TRMT44: variants seen among roughly 807,000 people sequenced by gnomAD.
TRMT44 encodes the protein probable tRNA (uracil-O(2)-)-methyltransferase.
A neutral mutation model predicts 77.3 loss-of-function variants in TRMT44; 78 were observed. That is an observed-to-expected ratio of 1.01 (90% CI 0.84 to 1.22). The LOEUF (loss-of-function observed/expected upper bound fraction) is 1.22. TRMT44 is among the 50% of genes most tolerant of loss of function. The pLI, the probability that TRMT44 is intolerant of heterozygous loss-of-function variation, is 0.00. For synonymous variants in TRMT44, 391 were observed against 383.3 expected, an observed-to-expected ratio of 1.02 and a Z score of -0.23; for missense variants, 1,090 against 964.4, an observed-to-expected ratio of 1.13 and a Z score of -1.73.
At chr4:8,495,229 T>C (rs1023938437), downstream of TRMT44, among the ~76,000 whole-genome samples, 2 of 152,216 alleles carry the variant, frequency 1.3e-5, no homozygotes, top group Non-Finnish European at 2.9e-5. Flanking sequence ...GCAGTTTGCA[T>C]CCATTGTCAT....
intron 10 of TRMT44, among the ~76,000 whole-genome samples, chr4:8,473,056 C>G (rs995533703): frequency 6.6e-6 from 1 of 152,250 alleles, no homozygotes. Flanking sequence ...AATAAACATT[C>G]TCCTCCAGTC....
chr4:8,447,262 A>G (rs188141075), intron 2 of TRMT44, among the ~76,000 whole-genome samples: 181 of 152,368 alleles, frequency 1.2e-3, no homozygotes, highest in Middle Eastern at 6.8e-3. Flanking sequence ...ATTATAAAGT[A>G]GCGGTTTAAT....
At chr4:8,442,640 G>A (rs1014623683) in intron 1 of TRMT44, among the ~76,000 whole-genome samples, 2 of 152,240 alleles carry the variant, frequency 1.3e-5, no homozygotes, top group Non-Finnish European at 2.9e-5. Flanking sequence ...TTCTGGGAAG[G>A]AATCTGTTCT....
At chr4:8,449,949 C>CTTTTTTT (rs745915221) in intron 3 of TRMT44, 61 bp downstream of exon 3, 183 of 238,930 alleles carry the variant, frequency 7.7e-4, no homozygotes, top group South Asian at 1.7e-3. Context: ...CTTTTCTTTT[C>CTTTTTTT]TTTTTTTTTT....
intron 10 of TRMT44, 141 bp from the exon 11 acceptor site, chr4:8,475,631 G>A (rs1006452200): frequency 6.8e-6 from 5 of 731,798 alleles, no homozygotes; most frequent in Middle Eastern, 3.0e-4. Flanking sequence ...ACTGTGACCA[G>A]CAGGAACTCT....
In TRMT44 at chr4:8,461,482, T is replaced by A. The variant is rs539103034; in HGVS notation, c.1204-2503T>A. Among the ~76,000 whole-genome samples, 1 of 152,286 alleles carries A rather than the reference T, an allele frequency of 6.6e-6. No individual in the cohort carries two copies. The highest frequency in any genetic ancestry group is 2.1e-4 in the South Asian group (1 of 4,828). ...TTCAAGCAGCAGTGAGTAGGCCATC[T>A]GTGTAAGCCCAGACCCTAGGGAAGA... is the stretch of plus-strand genomic sequence containing the variant. On this transcript the variant is annotated intron_variant, in intron 6 of 10. Transcript: ENST00000389737. The surrounding 1 kb of genome is among the most constrained non-coding windows in gnomAD (Gnocchi z 4.6).
the TRMT44 span, among the ~76,000 whole-genome samples, chr4:8,503,351 C>T: frequency 6.5e-4 from 99 of 152,324 alleles, 3 homozygotes; most frequent in East Asian, 0.015. Flanking sequence ...GCAGTCGGAC[C>T]GGCTCAAGCA....
chr4:8,478,513 C>T (rs888799000), downstream of TRMT44: 2 of 152,536 alleles, frequency 1.3e-5, no homozygotes, highest in African/African-American at 2.4e-5. Context: ...TGCCCCTGTC[C>T]ACAGGTCATG....
At chr4:8,486,752 G>A (rs1216219978) in intron 2 of TRMT44, among the ~76,000 whole-genome samples, 1 of 152,168 alleles carries the variant, frequency 6.6e-6, no homozygotes, top group Admixed American at 6.5e-5. Flanking sequence ...CTTTTTAAGA[G>A]TAAATTGCTG....
At chr4:8,493,828 C>T (rs1728082052), downstream of TRMT44, among the ~76,000 whole-genome samples, 1 of 151,980 alleles carries the variant, frequency 6.6e-6, no homozygotes, top group Non-Finnish European at 1.5e-5. Context: ...TGGAATGGGA[C>T]CTGCCTGCCT....
At position 8,465,505 on chromosome 4, in the gene TRMT44, T is replaced by G. The variant is rs1017550880; in HGVS notation, c.1438T>G (p.Phe480Val). Residue 480 changes from phenylalanine to valine, a missense_variant, in exon 8 of 11, where the codon TTC becomes GTC. By Grantham distance (50) the Phe-to-Val change is conservative. Coordinates refer to ENST00000389737, the MANE Select transcript of TRMT44 (RefSeq NM_152544.3). ...EYLDFIKEVG[F>V]TCGFHVDEDC... ...CCTTGACTTCATTAAAGAAGTGGGC[T>G]TCACCTGTGGGTTTCACGTGGACGA... 6.2e-7 allele frequency: 1 copy of G among 1,614,164 alleles called. No homozygotes were observed. Among genetic ancestry groups the G allele is most frequent in the Non-Finnish European group, 8.5e-7 (1 of 1,180,028 alleles).
chr4:8,449,024 A>G (rs1001826813), intron 2 of TRMT44, among the ~76,000 whole-genome samples: 22 of 152,274 alleles, frequency 1.4e-4, no homozygotes, highest in Non-Finnish European at 3.2e-4. Flanking sequence ...GTGTATTGTT[A>G]TCTGGGTTTG....
At chr4:8,466,772 T>A (rs1200283357) in intron 8 of TRMT44, among the ~76,000 whole-genome samples, 1 of 152,182 alleles carries the variant, frequency 6.6e-6, no homozygotes, top group Non-Finnish European at 1.5e-5. Context: ...TGAGCTTCAG[T>A]TTTCTTATCA....
chr4:8,441,041 AC>A lies in TRMT44; in HGVS notation c.222del (p.Gly75AlafsTer47). On this transcript the variant is annotated frameshift_variant, in exon 1 of 11. Transcript: ENST00000389737. LOFTEE classifies it high-confidence loss of function. ...CGGAGCAGAAGGAGCGGGGTCCGGG[AC>A]CCGGCCAGGGTTCCCCCGGAGGGGG... The part of the protein sequence containing the change: ...GSEQKERGPG[P>X]GQGSPGGGPG... 1 of 1,491,420 alleles carries A rather than the reference AC, an allele frequency of 6.7e-7. No homozygotes were observed. The highest frequency in any genetic ancestry group is 1.3e-5 in the South Asian group (1 of 76,814). 92.4% of individuals were successfully genotyped at this position (1,491,420 alleles called of 1,614,324 possible).
rs914709437 is a variant in TRMT44, at chr4:8,449,362, C to T, written c.735-307C>T. Among the ~76,000 whole-genome samples, 42 of 152,228 alleles carry T rather than the reference C, an allele frequency of 2.8e-4. 1 individual carries two copies. Among genetic ancestry groups the T allele is most frequent in the Admixed American group, 1.9e-3 (29 of 15,282 alleles). On this transcript the variant is annotated intron_variant, in intron 2 of 10. Transcript: ENST00000389737. ...TAGAAATGTTAGGAAAATCCTTGGA[C>T]GCTTAGACTCTGGCTCCTTGTGCAT...
At chr4:8,463,392 G>C (rs576080366) in intron 6 of TRMT44, among the ~76,000 whole-genome samples, 2 of 152,338 alleles carry the variant, frequency 1.3e-5, no homozygotes, top group East Asian at 1.9e-4. Flanking sequence ...TGCAGAATTT[G>C]TCAGAATGGT....
chr4:8,462,385 T>C (rs1560231768), intron 6 of TRMT44, among the ~76,000 whole-genome samples: 5 of 149,578 alleles, frequency 3.3e-5, no homozygotes, highest in Admixed American at 1.3e-4. Context: ...CACGCCAGCC[T>C]AGGCAACAAG....
At chr4:8,489,460 CGTTTTGTTTTGTTTT>C (rs3068622) in intron 2 of TRMT44, among the ~76,000 whole-genome samples, 1 of 150,338 alleles carries the variant, frequency 6.7e-6, no homozygotes, top group Non-Finnish European at 1.5e-5. Flanking sequence ...GTTTTGTTTT[CGTTTTGTTTTGTTTT>C]GTTTTGTTTT....
the TRMT44 span, among the ~76,000 whole-genome samples, chr4:8,513,197 T>C: frequency 1.3e-5 from 2 of 152,228 alleles, no homozygotes; most frequent in Non-Finnish European, 2.9e-5. Context: ...AAGAGGTTTA[T>C]TGGACTTACA....
Sources: allele counts gnomAD v4.1 joint callset (sites outside exome capture counted in the v4.1 genomes callset), GRCh38; gene constraint gnomAD v4.1.1; non-coding constraint Gnocchi (gnomAD v3.1); transcripts MANE v1.5; gene names NCBI Gene and HGNC (gene_info 2026-07-23, HGNC 2026-07-21).